Variants in PDE1A observed in about 807,000 individuals in gnomAD.
PDE1A encodes dual specificity calcium/calmodulin-dependent 3',5'-cyclic nucleotide phosphodiesterase 1A.
In PDE1A, 35 loss-of-function variants were observed where a neutral mutation model predicts 61.7. The ratio of observed to expected loss-of-function variants is 0.57; its 90% CI spans 0.43 to 0.75. The LOEUF (loss-of-function observed/expected upper bound fraction) is 0.75, where lower values mean the gene tolerates loss of function less well. PDE1A is among the 30% of genes least tolerant of loss of function. The pLI, the probability that PDE1A is intolerant of heterozygous loss-of-function variation, is 0.00. For synonymous variants in PDE1A, 232 were observed against 213.2 expected, an observed-to-expected ratio of 1.09 and a Z score of -0.77; for missense variants, 597 against 630.6, an observed-to-expected ratio of 0.95 and a Z score of 0.57.
rs925587219 is a variant in PDE1A, at chr2:182,512,097, C to T, written c.101+10179G>A. Among the ~76,000 whole-genome samples, 8 of 152,286 alleles carry T rather than the reference C, an allele frequency of 5.3e-5. No individual in the cohort carries two copies. In the East Asian group the frequency reaches 1.5e-3, roughly 29 times the overall value. On this transcript the variant is annotated intron_variant, in intron 2 of 14. Transcript: ENST00000410103. ...CACTGGTGAATGTGCACACAGAGCC[C>T]ACCACCTCACCACTACCCTACCGCC...
intron 2 of PDE1A, among the ~76,000 whole-genome samples, chr2:182,490,981 A>G (rs2887216): frequency 1 from 152,195 of 152,310 alleles, 76,041 homozygotes; most frequent in Middle Eastern, 1. Context: ...GGAAGGAAGC[A>G]TCTGAGGTTT....
intron 2 of PDE1A, among the ~76,000 whole-genome samples, chr2:182,505,495 C>T (rs35182213): frequency 0.33 from 50,313 of 151,934 alleles, 8,864 homozygotes; most frequent in Middle Eastern, 0.41. Context: ...AGACACAGGG[C>T]CTGGGCACTT....
intron 2 of PDE1A, 63 bp from the exon 3 acceptor site, chr2:182,240,355 A>G (rs551046144): frequency 7.6e-5 from 78 of 1,031,942 alleles, no homozygotes; most frequent in Admixed American, 4.1e-4. Context: ...TATAACAGAA[A>G]AACAAGGATT....
At chr2:182,578,838 G>C in the PDE1A span, among the ~76,000 whole-genome samples, 5 of 152,044 alleles carry the variant, frequency 3.3e-5, no homozygotes, top group African/African-American at 4.8e-5. Context: ...AAGGTTGAAG[G>C]GAGTATTATC....
the PDE1A span, among the ~76,000 whole-genome samples, chr2:182,600,735 A>G: frequency 6.6e-6 from 1 of 152,216 alleles, no homozygotes; most frequent in South Asian, 2.1e-4. Context: ...GTAAAAATAT[A>G]TACAATGTTT....
chr2:182,213,243 C>A (rs1218838747), intron 7 of PDE1A, among the ~76,000 whole-genome samples: 1 of 146,346 alleles, frequency 6.8e-6, no homozygotes, highest in African/African-American at 2.5e-5. Context: ...ACAGAAAGGA[C>A]ATCCACACCA....
intron 1 of PDE1A, among the ~76,000 whole-genome samples, chr2:182,316,428 T>G (rs1192697685): frequency 6.6e-6 from 1 of 152,158 alleles, no homozygotes; most frequent in Non-Finnish European, 1.5e-5. Context: ...TCAAAGGAAA[T>G]AAGTAATTTG....
At chr2:182,706,307 G>T in the PDE1A span, among the ~76,000 whole-genome samples, 1 of 152,132 alleles carries the variant, frequency 6.6e-6, no homozygotes, top group African/African-American at 2.4e-5. Flanking sequence ...CAGCATATTA[G>T]CCTGAAGTTG....
chr2:182,179,760 G>T (rs1684594595), intron 13 of PDE1A, among the ~76,000 whole-genome samples: 1 of 152,028 alleles, frequency 6.6e-6, no homozygotes. Flanking sequence ...TCTACTTTGT[G>T]CCAGTCTCTG....
the PDE1A span, among the ~76,000 whole-genome samples, chr2:182,704,173 T>C: frequency 7.1e-6 from 1 of 141,658 alleles, no homozygotes; most frequent in Non-Finnish European, 1.5e-5. Context: ...ATCACGCCAC[T>C]GCACTCCAGT....
the PDE1A span, among the ~76,000 whole-genome samples, chr2:182,698,104 C>T: frequency 6.6e-6 from 1 of 152,180 alleles, no homozygotes. Flanking sequence ...TTTCTCCTAG[C>T]TGTGCTGCTG....
downstream of PDE1A, among the ~76,000 whole-genome samples, chr2:182,166,739 T>C (rs992063758): frequency 6.6e-5 from 10 of 152,192 alleles, no homozygotes; most frequent in African/African-American, 1.7e-4. Flanking sequence ...TCTGATGATA[T>C]TTTATAGCCA....
At chr2:182,321,785 C>A (rs1696711741) in intron 1 of PDE1A, among the ~76,000 whole-genome samples, 1 of 152,066 alleles carries the variant, frequency 6.6e-6, no homozygotes, top group Non-Finnish European at 1.5e-5. Context: ...CTTCCCATTG[C>A]CCCTTCTCTC....
intron 1 of PDE1A, among the ~76,000 whole-genome samples, chr2:182,290,428 G>A (rs1427180126): frequency 6.6e-6 from 1 of 152,068 alleles, no homozygotes; most frequent in East Asian, 1.9e-4. Context: ...CTATTGTCTA[G>A]CAATACTAAC....
the PDE1A span, among the ~76,000 whole-genome samples, chr2:182,711,488 T>C: frequency 1.3e-5 from 2 of 152,080 alleles, no homozygotes; most frequent in Non-Finnish European, 1.5e-5. Flanking sequence ...TATGTGTGTA[T>C]ATGTATATAC....
chr2:182,163,989 C>T (rs1691520012), downstream of PDE1A, among the ~76,000 whole-genome samples: 1 of 152,200 alleles, frequency 6.6e-6, no homozygotes, highest in Non-Finnish European at 1.5e-5. Context: ...CAGATAACTA[C>T]TCTCCTTTTG....
intron 2 of PDE1A, among the ~76,000 whole-genome samples, chr2:182,243,297 A>T: frequency 6.6e-6 from 1 of 152,330 alleles, no homozygotes; most frequent in East Asian, 1.9e-4. Flanking sequence ...GAATTATGAT[A>T]TAAGGTTAAT....
At chr2:182,380,018 C>A (rs902462271) in intron 1 of PDE1A, among the ~76,000 whole-genome samples, 12 of 151,680 alleles carry the variant, frequency 7.9e-5, no homozygotes, top group Non-Finnish European at 2.9e-5. Flanking sequence ...TACTATGGTC[C>A]TTTACTCTAT....
At chr2:182,642,424 C>T in the PDE1A span, among the ~76,000 whole-genome samples, 1 of 152,184 alleles carries the variant, frequency 6.6e-6, no homozygotes, top group South Asian at 2.1e-4. Flanking sequence ...CTGCAGGTAT[C>T]CCTAAGACCA....
Sources: allele counts gnomAD v4.1 joint callset (sites outside exome capture counted in the v4.1 genomes callset), GRCh38; gene constraint gnomAD v4.1.1; transcripts MANE v1.5; gene names NCBI Gene and HGNC (gene_info 2026-07-23, HGNC 2026-07-21).